The following MAGI2 variants were observed in gnomAD, a reference collection of about 807,000 sequenced individuals.
MAGI2 encodes the protein membrane-associated guanylate kinase, WW and PDZ domain-containing protein 2.
MAGI2 carries 35 observed loss-of-function variants against 133.3 expected under a neutral mutation model. That is an observed-to-expected ratio of 0.26 (90% CI 0.20 to 0.35). The LOEUF (loss-of-function observed/expected upper bound fraction) is 0.35. MAGI2 is among the 10% of genes least tolerant of loss of function. MAGI2 has a pLI of 1.00. For missense variants in MAGI2, 1,636 were observed against 1,863.4 expected (o/e 0.88, Z 2.25); for synonymous variants, 729 against 710.6 (o/e 1.03, Z -0.41).
At chr7:78,067,599 G>T (rs73362628) in intron 21 of MAGI2, among the ~76,000 whole-genome samples, 1 of 152,158 alleles carries the variant, frequency 6.6e-6, no homozygotes, top group South Asian at 2.1e-4. Flanking sequence ...CAGCTATTTA[G>T]TCTGGGCTAA....
intron 10 of MAGI2, among the ~76,000 whole-genome samples, chr7:78,237,232 CCAAA>C (rs1346590107): frequency 1.3e-5 from 2 of 152,146 alleles, no homozygotes; most frequent in African/African-American, 4.8e-5. Flanking sequence ...ATATATTCAT[CCAAA>C]TACTTAAGTG....
intron 6 of MAGI2, among the ~76,000 whole-genome samples, chr7:78,472,774 T>C (rs1410863783): frequency 1.3e-5 from 2 of 152,102 alleles, no homozygotes; most frequent in South Asian, 2.1e-4. Context: ...ACATATGCTG[T>C]TGTTTGTGTT....
intron 1 of MAGI2, among the ~76,000 whole-genome samples, chr7:79,086,626 G>T (rs1461721189): frequency 6.6e-6 from 1 of 151,516 alleles, no homozygotes; most frequent in Non-Finnish European, 1.5e-5. Flanking sequence ...ATTTTTGGTG[G>T]TTCTTACTCT....
At chr7:79,292,770 C>CA (rs199933554) in intron 1 of MAGI2, among the ~76,000 whole-genome samples, 1,030 of 57,292 alleles carry the variant, frequency 0.018, 213 homozygotes, top group African/African-American at 0.052. Flanking sequence ...TCAATTTCTG[C>CA]AAAAAAAAAA....
chr7:78,288,306 C>G (rs1796356894), intron 9 of MAGI2, among the ~76,000 whole-genome samples: 1 of 152,078 alleles, frequency 6.6e-6, no homozygotes, highest in Non-Finnish European at 1.5e-5. Flanking sequence ...AATCATACCT[C>G]CTTCTAAATT....
intron 1 of MAGI2, among the ~76,000 whole-genome samples, chr7:79,229,278 G>GT (rs1831145776): frequency 6.6e-6 from 1 of 152,006 alleles, no homozygotes; most frequent in South Asian, 2.1e-4. Flanking sequence ...GAACATTATT[G>GT]TTTTTTTCTA....
At chr7:78,384,986 A>G (rs1795247236) in intron 6 of MAGI2, among the ~76,000 whole-genome samples, 1 of 152,170 alleles carries the variant, frequency 6.6e-6, no homozygotes, top group Non-Finnish European at 1.5e-5. Context: ...ACAATTTTAC[A>G]TGCTGCTAAA....
intron 1 of MAGI2, among the ~76,000 whole-genome samples, chr7:79,315,162 C>CT (rs758629760): frequency 1.1e-4 from 9 of 78,718 alleles, no homozygotes. Context: ...CTAGATTTAA[C>CT]TCTTTTTTTT....
chr7:78,232,234 C>G (rs1481041940), intron 10 of MAGI2, among the ~76,000 whole-genome samples: 1 of 152,136 alleles, frequency 6.6e-6, no homozygotes, highest in Non-Finnish European at 1.5e-5. Context: ...CAGGTAGGAA[C>G]AATGTAATCT....
intron 2 of MAGI2, among the ~76,000 whole-genome samples, chr7:78,751,431 G>A (rs895561058): frequency 1.3e-5 from 2 of 152,162 alleles, no homozygotes; most frequent in East Asian, 1.9e-4. Flanking sequence ...GCAAAAGGAC[G>A]ACAGAAGTCC....
chr7:79,376,630 C>G (rs1011632963), intron 1 of MAGI2, among the ~76,000 whole-genome samples: 4 of 151,832 alleles, frequency 2.6e-5, no homozygotes, highest in African/African-American at 9.7e-5. Context: ...AAGGGATGAT[C>G]CACAACCTAG....
intron 3 of MAGI2, among the ~76,000 whole-genome samples, chr7:78,536,741 T>TTTG (rs1194268741): frequency 3.6e-5 from 5 of 140,500 alleles, no homozygotes; most frequent in Non-Finnish European, 6.1e-5. Flanking sequence ...CAATAGTTTT[T>TTTG]TTTTTGTTTT....
chr7:79,002,295 A>T (rs1562772892), intron 2 of MAGI2, among the ~76,000 whole-genome samples: 1 of 148,630 alleles, frequency 6.7e-6, no homozygotes, highest in Non-Finnish European at 1.5e-5. Context: ...CCAATTTTTA[A>T]TTTTTTTTTT....
At chr7:78,117,196 G>T (rs1819953953) in intron 20 of MAGI2, among the ~76,000 whole-genome samples, 1 of 151,800 alleles carries the variant, frequency 6.6e-6, no homozygotes, top group South Asian at 2.1e-4. Flanking sequence ...TAAGGTTAGG[G>T]TAACATTAAT....
At chr7:78,668,346 C>T (rs978308644) in intron 2 of MAGI2, among the ~76,000 whole-genome samples, 2 of 150,980 alleles carry the variant, frequency 1.3e-5, no homozygotes, top group African/African-American at 4.9e-5. Flanking sequence ...TGTAGGTTGC[C>T]TGTTCACTCT....
chr7:78,097,504 T>A (rs1258718557), intron 20 of MAGI2, among the ~76,000 whole-genome samples: 1 of 152,178 alleles, frequency 6.6e-6, no homozygotes, highest in African/African-American at 2.4e-5. Flanking sequence ...TGAGATCATG[T>A]CTTTTGTGGG....
intron 5 of MAGI2, among the ~76,000 whole-genome samples, chr7:78,495,190 G>C (rs1254990011): frequency 6.6e-6 from 1 of 152,122 alleles, no homozygotes; most frequent in African/African-American, 2.4e-5. Flanking sequence ...GTATACACAT[G>C]CCATGGTGGT....
At chr7:79,135,985 AAGAAAGAAAGAAAGAAAG>A (rs772441379) in intron 1 of MAGI2, among the ~76,000 whole-genome samples, 1,702 of 41,986 alleles carry the variant, frequency 0.041, 205 homozygotes, top group Middle Eastern at 0.14. Context: ...GAAAGAAAGA[AAGAAAGAAAGAAAGAAAG>A]AGAAAGAAAG....
chr7:78,784,203 G>GTTTTTTTTTTTT (rs36109639), intron 2 of MAGI2, among the ~76,000 whole-genome samples: 1 of 147,282 alleles, frequency 6.8e-6, no homozygotes. Context: ...AATGTTTTAG[G>GTTTTTTTTTTTT]TTTTTTTTTT....
Sources: gnomAD v4.1 joint callset for allele counts (sites outside exome capture counted in the v4.1 genomes callset) on GRCh38, gnomAD v4.1.1 for gene constraint, MANE v1.5 for transcripts, NCBI Gene and HGNC (gene_info 2026-07-23, HGNC 2026-07-21) for gene names.